POGLUT1: variants seen among roughly 807,000 people sequenced by gnomAD.
POGLUT1 encodes 9630046K23Rik.
A neutral mutation model predicts 61.3 loss-of-function variants in POGLUT1; 32 were observed. The ratio of observed to expected loss-of-function variants is 0.52; its 90% CI spans 0.39 to 0.70. The LOEUF (loss-of-function observed/expected upper bound fraction) is 0.70, where lower values mean the gene tolerates loss of function less well. POGLUT1 is among the 30% of genes least tolerant of loss of function. The pLI is 0.00. For missense variants in POGLUT1, 411 were observed against 469.8 expected (o/e 0.87, Z 1.16); for synonymous variants, 158 against 158.2 (o/e 1.00, Z 0.01).
At chr3:119,469,134 C>T in intron 1 of POGLUT1, 28 bp downstream of exon 1, 2 of 1,541,714 alleles carry the variant, frequency 1.3e-6, no homozygotes, top group Non-Finnish European at 1.8e-6. Context: ...CCGAGCCTGC[C>T]CCTTGGGCTC....
intron 4 of POGLUT1, among the ~76,000 whole-genome samples, chr3:119,478,904 A>AGG (rs151240773): frequency 5.6e-5 from 8 of 142,556 alleles, no homozygotes; most frequent in African/African-American, 2.1e-4. Context: ...AAAAAAAAAA[A>AGG]GGGGGGAACA....
intron 3 of POGLUT1, among the ~76,000 whole-genome samples, chr3:119,472,635 G>A (rs141486000): frequency 0.036 from 5,555 of 152,310 alleles, 132 homozygotes; most frequent in Non-Finnish European, 0.056. Flanking sequence ...AGAATTGCTT[G>A]AACCCAGGAG....
Position 119,492,570 on chromosome 3 carries a change from A to T in POGLUT1, c.*132A>T, listed in dbSNP as rs9846409. ...AGCCAAATACCTGGTTTTCCTTATC[A>T]TGCTGCACCCAGAGCAACTCTTGAG... is the stretch of plus-strand genomic sequence containing the variant. On this transcript the variant is annotated 3_prime_UTR_variant, in exon 11 of 11. Transcript: ENST00000295588. 9.7e-4 allele frequency: 499 copies of T among 515,316 alleles called. 7 individuals carry two copies. The Admixed American group carries it at 0.016, about 16-fold the overall frequency. 31.9% of individuals were successfully genotyped at this position (515,316 alleles called of 1,614,324 possible). A position where few individuals can be genotyped will look rare whatever the true frequency, so the allele number is the denominator to read the frequency against.
At chr3:119,491,671 T>C (rs2081747918) in intron 10 of POGLUT1, 97 bp downstream of exon 10, 1 of 614,950 alleles carries the variant, frequency 1.6e-6, no homozygotes. Flanking sequence ...TGGTGACATC[T>C]GTATTTTATC....
intron 2 of POGLUT1, among the ~76,000 whole-genome samples, chr3:119,470,680 T>C (rs1289561979): frequency 2.0e-5 from 3 of 152,238 alleles, no homozygotes; most frequent in Non-Finnish European, 4.4e-5. Flanking sequence ...TGGTTACCCC[T>C]GTGCCGAGCC....
intron 5 of POGLUT1, among the ~76,000 whole-genome samples, chr3:119,482,041 C>T (rs7626332): frequency 0.057 from 8,645 of 152,164 alleles, 787 homozygotes; most frequent in African/African-American, 0.19. Flanking sequence ...GCTGGGATTA[C>T]AGGCATGAGC....
Position 119,477,440 on chromosome 3 carries a change from T to A in POGLUT1, c.448T>A (p.Phe150Ile), listed in dbSNP as rs528041638. 1 of 1,614,064 alleles carries A rather than the reference T, an allele frequency of 6.2e-7. No individual in the cohort carries two copies. The highest frequency in any genetic ancestry group is 1.3e-5 in the African/African-American group (1 of 75,032). The stretch of plus-strand genomic sequence containing the variant: ...GGAGCCTGCCATCCCAGTCTTCTCC[T>A]TCAGTAAGGTAAGTACAGGGAGAGC... ...WMEPAIPVFS[F>I]SKTSEYHDIM... Residue 150 changes from phenylalanine to isoleucine, a missense_variant, in exon 4 of 11, where the codon TTC (phenylalanine) becomes ATC (isoleucine). Phe to Ile is a conservative substitution (Grantham distance 21). Transcript: ENST00000295588.
In POGLUT1 at chr3:119,481,466, C is replaced by A. The variant is rs139658268; in HGVS notation, c.578+1294C>A. Among the ~76,000 whole-genome samples, 189 of 152,324 alleles carry A rather than the reference C, an allele frequency of 1.2e-3. 1 individual carries two copies. The East Asian group carries it at 0.016, about 13-fold the overall frequency. On this transcript the variant is annotated intron_variant, in intron 5 of 10. Transcript: ENST00000295588. ...GGTATAAGGAAAGCAAACAATTCAA[C>A]CTTGTTTCCATAAATACCTATCACC...
At chr3:119,479,411 C>A (rs2081581200) in intron 4 of POGLUT1, among the ~76,000 whole-genome samples, 1 of 152,188 alleles carries the variant, frequency 6.6e-6, no homozygotes, top group Admixed American at 6.5e-5. Flanking sequence ...AGCTACTGTT[C>A]TAAGAATTTT....
intron 9 of POGLUT1, among the ~76,000 whole-genome samples, 179 bp from the exon 10 acceptor site, chr3:119,491,338 TG>T (rs145603083): frequency 1.6e-4 from 24 of 146,976 alleles, no homozygotes; most frequent in East Asian, 5.9e-4. Flanking sequence ...AATCAGTGTG[TG>T]GGGGTTTTTT....
intron 3 of POGLUT1, among the ~76,000 whole-genome samples, chr3:119,474,466 C>G (rs2081512840): frequency 1.3e-5 from 2 of 152,130 alleles, no homozygotes; most frequent in Admixed American, 1.3e-4. Context: ...CTTCAGGCAG[C>G]CGCTGACTAC....
chr3:119,473,128 G>T (rs57506457), intron 3 of POGLUT1, among the ~76,000 whole-genome samples: 1 of 152,052 alleles, frequency 6.6e-6, no homozygotes, highest in African/African-American at 2.4e-5. Context: ...ATCAGATATC[G>T]GAGGAAATAA....
rs1229772425 is a variant in POGLUT1 at position 119,492,471 on chromosome 3, C to T, written c.*33C>T. ...CATAGGACCATAGTCCTCTTTGTGG[C>T]AACAGATCTCAGATATCCTACGGTG... On this transcript the variant is annotated 3_prime_UTR_variant, in exon 11 of 11. Transcript: ENST00000295588. The T allele has an allele frequency of 2.1e-6, 3 of 1,431,616 alleles. No individual in the cohort carries two copies. The highest frequency in any genetic ancestry group is 2.9e-6 in the Non-Finnish European group (3 of 1,051,310). 88.7% of individuals were successfully genotyped at this position (1,431,616 alleles called of 1,614,324 possible). A position where few individuals can be genotyped will look rare whatever the true frequency, so the allele number is the denominator to read the frequency against.
intron 3 of POGLUT1, among the ~76,000 whole-genome samples, chr3:119,475,802 G>A (rs1386374591): frequency 5.4e-5 from 8 of 148,266 alleles, no homozygotes; most frequent in Non-Finnish European, 8.9e-5. Context: ...ACAGAGCAAG[G>A]CTCCATCTCA....
Position 119,486,841 on chromosome 3 carries a change from C to T in POGLUT1, c.647C>T (p.Pro216Leu). Reference sequence around the variant, plus strand: ...ACGTGTTTCTTTTATAGGACAAGTCCAGAACGAGATCCTCTCATTCTTCTG... The same window carrying T: ...ACGTGTTTCTTTTATAGGACAAGTCTAGAACGAGATCCTCTCATTCTTCTG... ...TAYFRGSRTS[P>L]ERDPLILLSR... Residue 216 changes from proline to leucine, a missense_variant, in exon 7 of 11, where the codon CCA (proline) becomes CTA (leucine). Transcript: ENST00000295588. 6.2e-7 allele frequency: 1 copy of T among 1,608,224 alleles called. No individual in the cohort carries two copies. The highest frequency in any genetic ancestry group is 8.5e-7 in the Non-Finnish European group (1 of 1,174,668).
chr3:119,471,735 T>C, intron 3 of POGLUT1: 2 of 396,266 alleles, frequency 5.0e-6, no homozygotes, highest in South Asian at 2.3e-5. Context: ...GGACACAGGC[T>C]GATGAGGCCT....
At position 119,492,338 on chromosome 3, in the gene POGLUT1, A is replaced by C; in HGVS notation, c.1079A>C (p.Glu360Ala). The change falls in exon 11 of 11, where the codon GAG becomes GCG. Residue 360 changes from glutamate (E) to alanine (A), a missense_variant. Transcript: ENST00000295588. ...LQMDDITCYW[E>A]NLLSEYSKFL... ...ATGGATGACATCACCTGTTACTGGG[A>C]GAACCTCTTGAGTGAATACTCTAAA... is the stretch of plus-strand genomic sequence containing the variant. 1.2e-6 allele frequency: 2 copies of C among 1,610,834 alleles called. No homozygotes were observed. The highest frequency in any genetic ancestry group is 2.2e-5 in the South Asian group (2 of 90,864).
chr3:119,477,491 T>TC lies in POGLUT1; in HGVS notation c.456+44dup, dbSNP rs1322714301. The TC allele has an allele frequency of 1.9e-6, 3 of 1,581,568 alleles. No individual in the cohort carries two copies. The South Asian group carries it at 3.3e-5, about 18-fold the overall frequency. On this transcript the variant is annotated intron_variant, in intron 4 of 10. Coordinates refer to ENST00000295588, the MANE Select transcript of POGLUT1 (RefSeq NM_152305.3). ...CACATGGGTGGATGGAGAGTGGTCCTCTAGGATATGAGCATGAGATCTTTG... is the reference window on the plus strand; with the variant it reads ...CACATGGGTGGATGGAGAGTGGTCCTCCTAGGATATGAGCATGAGATCTTTG...
chr3:119,482,152 C>T (rs2081612372), intron 5 of POGLUT1, among the ~76,000 whole-genome samples: 1 of 152,206 alleles, frequency 6.6e-6, no homozygotes, highest in African/African-American at 2.4e-5. Context: ...TCCTCAGGTA[C>T]TTGCAAATAC....
Sources: allele counts gnomAD v4.1 joint callset (sites outside exome capture counted in the v4.1 genomes callset), GRCh38; gene constraint gnomAD v4.1.1; transcripts MANE v1.5; gene names NCBI Gene and HGNC (gene_info 2026-07-23, HGNC 2026-07-21).